NPY: variants seen among roughly 807,000 people sequenced by gnomAD.
The protein encoded by NPY is pro-neuropeptide Y.
Under a neutral mutation model 13.2 loss-of-function variants are expected in NPY, and 11 were observed. That is an observed-to-expected ratio of 0.83 (90% confidence interval 0.52 to 1.38). The LOEUF is 1.38. Among genes scored for constraint, NPY ranks in the 40% most tolerant of loss-of-function variants. The pLI is 0.00. For synonymous variants in NPY, 51 were observed against 55.6 expected, an observed-to-expected ratio of 0.92 and a Z score of 0.37; for missense variants, 109 against 125.1, an observed-to-expected ratio of 0.87 and a Z score of 0.61.
intron 2 of NPY, among the ~76,000 whole-genome samples, chr7:24,286,133 G>T (rs1459241154): frequency 6.6e-6 from 1 of 152,164 alleles, no homozygotes; most frequent in African/African-American, 2.4e-5. Flanking sequence ...TCATTAAGAA[G>T]AAACTTACGT....
chr7:24,288,388 A>T (rs1787469667), intron 2 of NPY, among the ~76,000 whole-genome samples: 1 of 152,184 alleles, frequency 6.6e-6, no homozygotes, highest in Non-Finnish European at 1.5e-5. Context: ...CATAGAAAAT[A>T]TTTCCAAAAA....
rs1787316637 is a variant in NPY, at chr7:24,285,230, T to C, written c.1-11T>C. The C allele has an allele frequency of 1.2e-6, 2 of 1,613,866 alleles. No homozygotes were observed. Among genetic ancestry groups the C allele is most frequent in the Non-Finnish European group, 8.5e-7 (1 of 1,179,938 alleles). On this transcript the variant is annotated splice_polypyrimidine_tract_variant and intron_variant, in intron 1 of 3. Transcript: ENST00000242152. The surrounding 1 kb of genome is among the most constrained non-coding windows in gnomAD (Gnocchi z 4.9). ...CCCCAAGCCCGTCCGTTGAGCCTTC[T>C]GTGCCTGCAGATGCTAGGTAACAAG...
intron 3 of NPY, among the ~76,000 whole-genome samples, chr7:24,289,962 T>C (rs1787540868): frequency 6.6e-6 from 1 of 152,208 alleles, no homozygotes; most frequent in African/African-American, 2.4e-5. Context: ...CTGTAGATTT[T>C]ATATATGTGG....
chr7:24,291,592 G>A, intron 3 of NPY, 71 bp from the exon 4 acceptor site: 1 of 1,557,314 alleles, frequency 6.4e-7, no homozygotes, highest in East Asian at 2.2e-5. Context: ...AGATCTAAAT[G>A]TCTCACCCTT....
At chr7:24,289,442 T>C in intron 2 of NPY, 57 bp from the exon 3 acceptor site, 27 of 1,250,880 alleles carry the variant, frequency 2.2e-5, no homozygotes, top group Non-Finnish European at 3.1e-5. Flanking sequence ...TCTTCCTTTT[T>C]CCTAAAGGTT....
Position 24,285,130 on chromosome 7 carries a change from G to GA in NPY, c.1-111_1-110insA. 4.6e-6 allele frequency: 5 copies of GA among 1,094,030 alleles called. No individual in the cohort carries two copies. The highest frequency in any genetic ancestry group is 6.9e-6 in the Non-Finnish European group (5 of 727,784). The allele number at this position is 1,094,030 out of a possible 1,614,324, so 67.8% of individuals were successfully genotyped here. Reference sequence around the variant, plus strand: ...TGCGGGACTGGGACGAGAGCGGATTGGGGGTCGCGTGTGGTAGCAGGAGGA... The same window carrying GA: ...TGCGGGACTGGGACGAGAGCGGATTGAGGGGTCGCGTGTGGTAGCAGGAGGA... On this transcript the variant is annotated intron_variant, in intron 1 of 3. Coordinates refer to ENST00000242152, the MANE Select transcript of NPY (RefSeq NM_000905.4). This position sits in a 1 kb window ranked among gnomAD's most constrained non-coding sequence, Gnocchi z 4.9.
chr7:24,291,581 C>A, intron 3 of NPY, 82 bp from the exon 4 acceptor site: 1 of 1,501,826 alleles, frequency 6.7e-7, no homozygotes, highest in Non-Finnish European at 9.2e-7. Context: ...TCTTTCACTT[C>A]AGATCTAAAT....
At chr7:24,291,355 T>C (rs1787592496) in intron 3 of NPY, among the ~76,000 whole-genome samples, 1 of 152,230 alleles carries the variant, frequency 6.6e-6, no homozygotes, top group African/African-American at 2.4e-5. Flanking sequence ...ATTTCTGTAA[T>C]TTTGATTTTC....
chr7:24,289,654 C>A, intron 3 of NPY, 75 bp downstream of exon 3: 3 of 1,183,826 alleles, frequency 2.5e-6, no homozygotes, highest in South Asian at 2.7e-5. Context: ...GAGACAGGTG[C>A]CTGGTGGGAG....
chr7:24,287,310 C>G (rs1170617494), intron 2 of NPY, among the ~76,000 whole-genome samples: 1 of 152,300 alleles, frequency 6.6e-6, no homozygotes, highest in East Asian at 1.9e-4. Context: ...AGCAGAGGCT[C>G]TTAATGTACG....
chr7:24,290,194 G>T (rs779078113), intron 3 of NPY, among the ~76,000 whole-genome samples: 5 of 152,158 alleles, frequency 3.3e-5, no homozygotes, highest in Non-Finnish European at 7.3e-5. Flanking sequence ...GTTTGGGTCT[G>T]TCTTGGAAAG....
intron 3 of NPY, among the ~76,000 whole-genome samples, chr7:24,289,901 T>A (rs16132): frequency 0.057 from 8,597 of 152,014 alleles, 703 homozygotes; most frequent in East Asian, 0.3. Flanking sequence ...ATAGAGTGAG[T>A]CCCTGACTCT....
rs1250385451 is a variant in NPY at position 24,291,834 on chromosome 7, T to A, written c.*147T>A. 1 of 786,512 alleles carries A rather than the reference T, an allele frequency of 1.3e-6. No homozygotes were observed. Among genetic ancestry groups the A allele is most frequent in the Non-Finnish European group, 2.0e-6 (1 of 488,578 alleles). 48.7% of individuals were successfully genotyped at this position (786,512 alleles called of 1,614,324 possible). On this transcript the variant is annotated 3_prime_UTR_variant, in exon 4 of 4. Coordinates refer to ENST00000242152, the MANE Select transcript of NPY (RefSeq NM_000905.4). ...CCTTTGTCATCATTGTATATATGTG[T>A]GTTTAAATAAAGTATCATGCATTCA...
intron 3 of NPY, among the ~76,000 whole-genome samples, chr7:24,290,603 G>A (rs1399349797): frequency 6.6e-6 from 1 of 151,924 alleles, no homozygotes; most frequent in Non-Finnish European, 1.5e-5. Context: ...AAGGGTGTTA[G>A]TATAGAGTTG....
intron 2 of NPY, among the ~76,000 whole-genome samples, chr7:24,287,776 C>T (rs117756595): frequency 0.019 from 2,849 of 152,244 alleles, 40 homozygotes; most frequent in Non-Finnish European, 0.03. Flanking sequence ...AATAGCCAGT[C>T]CCAGAGAAAC....
chr7:24,285,295 C>A lies in NPY; in HGVS notation c.55C>A (p.Leu19Ile), dbSNP rs1411576675. 2 of 1,614,102 alleles carry A rather than the reference C, an allele frequency of 1.2e-6. No individual in the cohort carries two copies. Among genetic ancestry groups the A allele is most frequent in the South Asian group, 2.2e-5 (2 of 91,074 alleles). The change falls in exon 2 of 4, where the codon CTC becomes ATC. Residue 19 changes from leucine (L) to isoleucine (I), a missense_variant. Leu to Ile is a conservative substitution (Grantham distance 5). Coordinates refer to ENST00000242152, the MANE Select transcript of NPY (RefSeq NM_000905.4). This position sits in a 1 kb window ranked among gnomAD's most constrained non-coding sequence, Gnocchi z 4.9. ...CGGACTGACCCTCGCCCTGTCCCTGCTCGTGTGCCTGGGTGCGCTGGCCGA... is the reference window on the plus strand; with the variant it reads ...CGGACTGACCCTCGCCCTGTCCCTGATCGTGTGCCTGGGTGCGCTGGCCGA... Reference protein sequence around the residue: ...LSGLTLALSLLVCLGALAEAY... With the variant: ...LSGLTLALSLIVCLGALAEAY...
chr7:24,284,506 C>T (rs901391262), intron 1 of NPY, among the ~76,000 whole-genome samples: 4 of 152,228 alleles, frequency 2.6e-5, no homozygotes, highest in African/African-American at 7.2e-5. Context: ...CTCCCGGGCC[C>T]TTCCCGCTGG....
chr7:24,289,697 C>A, intron 3 of NPY, 118 bp downstream of exon 3: 1 of 608,638 alleles, frequency 1.6e-6, no homozygotes, highest in Non-Finnish European at 2.8e-6. Context: ...GGGGAGATTT[C>A]GGCAGAAATG....
chr7:24,289,531 T>C lies in NPY; in HGVS notation c.221T>C (p.Ile74Thr), dbSNP rs773950558. ...AAACGATCCAGCCCAGAGACACTGATTTCAGACCTCTTGATGAGAGAAAGC... is the reference window on the plus strand; with the variant it reads ...AAACGATCCAGCCCAGAGACACTGACTTCAGACCTCTTGATGAGAGAAAGC... ...YGKRSSPETL[I>T]SDLLMRESTE... Residue 74 changes from isoleucine (I) to threonine (T), a missense_variant, in exon 3 of 4, where the codon ATT (isoleucine) becomes ACT (threonine). Transcript: ENST00000242152. The C allele has an allele frequency of 2.5e-6, 4 of 1,610,674 alleles. No homozygotes were observed. In the South Asian group the frequency reaches 3.3e-5, roughly 13 times the overall value.
Sources: allele counts gnomAD v4.1 joint callset (sites outside exome capture counted in the v4.1 genomes callset), GRCh38; gene constraint gnomAD v4.1.1; non-coding constraint Gnocchi (gnomAD v3.1); transcripts MANE v1.5; gene names NCBI Gene and HGNC (gene_info 2026-07-23, HGNC 2026-07-21).